FBXL4: variants seen among roughly 807,000 people sequenced by gnomAD.
The protein encoded by FBXL4 is F-box/LRR-repeat protein 4.
FBXL4 carries 40 observed loss-of-function variants against 58.9 expected under a neutral mutation model. The ratio of observed to expected loss-of-function variants is 0.68; its 90% CI spans 0.53 to 0.88. FBXL4 has a LOEUF of 0.88. Among genes scored for constraint, FBXL4 ranks in the 40% least tolerant of loss-of-function variants. FBXL4 has a pLI of 0.00. For synonymous variants in FBXL4, 263 were observed against 265.5 expected (o/e 0.99, Z 0.09); for missense variants, 676 against 734.4 (o/e 0.92, Z 0.92).
intron 2 of FBXL4, among the ~76,000 whole-genome samples, chr6:98,934,235 G>A (rs1773117174): frequency 6.6e-6 from 1 of 152,082 alleles, no homozygotes; most frequent in African/African-American, 2.4e-5. Flanking sequence ...GTTGATTATG[G>A]AGAACTGGAA....
Position 98,880,640 on chromosome 6 carries a change from A to G in FBXL4, c.1318-16T>C, listed in dbSNP as rs768679543. 8 of 1,610,134 alleles carry G rather than the reference A, an allele frequency of 5.0e-6. No individual in the cohort carries two copies. The African/African-American group carries it at 1.1e-4, about 22-fold the overall frequency. ...GTGCTGTTTGCTGCCATTAGGGACCACATCAGAGGCAAATATGGAAAGTGA... is the reference window on the plus strand; with the variant it reads ...GTGCTGTTTGCTGCCATTAGGGACCGCATCAGAGGCAAATATGGAAAGTGA... On this transcript the variant is annotated splice_polypyrimidine_tract_variant and intron_variant, in intron 7 of 9. Coordinates refer to ENST00000369244, the MANE Select transcript of FBXL4 (RefSeq NM_001278716.2).
intron 2 of FBXL4, among the ~76,000 whole-genome samples, chr6:98,934,409 A>G (rs1460427906): frequency 1.3e-5 from 2 of 151,988 alleles, no homozygotes; most frequent in African/African-American, 2.4e-5. Flanking sequence ...AAAAAAAAAA[A>G]AGAGAGAGAG....
rs1048404546 is a variant in FBXL4 at position 98,898,327 on chromosome 6, G to C, written c.1317+941C>G. On this transcript the variant is annotated intron_variant, in intron 7 of 9. Transcript: ENST00000369244. ...ATGACAAACAGTATGTACTACAGGG[G>C]CCCAGGTACATACTCTTTAACCTAG... 5 of 985,244 alleles carry C rather than the reference G, an allele frequency of 5.1e-6. No homozygotes were observed. In the Admixed American group the frequency reaches 1.8e-4, roughly 36 times the overall value. 61.0% of individuals were successfully genotyped at this position (985,244 alleles called of 1,614,324 possible).
intron 5 of FBXL4, among the ~76,000 whole-genome samples, chr6:98,916,144 A>G (rs1451720993): frequency 1.3e-5 from 2 of 148,914 alleles, no homozygotes; most frequent in African/African-American, 2.5e-5. Flanking sequence ...TTAGAATGGC[A>G]ATCATTAAAA....
At chr6:98,931,122 G>T (rs540285343) in intron 2 of FBXL4, among the ~76,000 whole-genome samples, 1 of 152,250 alleles carries the variant, frequency 6.6e-6, no homozygotes, top group East Asian at 1.9e-4. Context: ...TCACTCCACG[G>T]TCTATAAATT....
chr6:98,875,237 T>C lies in FBXL4; in HGVS notation c.1702+178A>G, dbSNP rs760906331. On this transcript the variant is annotated intron_variant, in intron 9 of 9. Transcript: ENST00000369244. ...CCTCACTATTTTATTAAAGTACATA[T>C]ATAATTATTCCCTATATTAACTGAT... The C allele has an allele frequency of 2.5e-5, 16 of 635,142 alleles. No individual in the cohort carries two copies. The South Asian group carries it at 2.8e-4, about 11-fold the overall frequency. The allele number at this position is 635,142 out of a possible 1,614,324, so 39.3% of individuals were successfully genotyped here. A position where few individuals can be genotyped will look rare whatever the true frequency, so the allele number is the denominator to read the frequency against.
rs1156808047 is a variant in FBXL4, at chr6:98,870,771, A to G, written c.*3507T>C. 6.6e-6 allele frequency: 1 copy of G among 152,244 alleles called. No individual in the cohort carries two copies. Among genetic ancestry groups the G allele is most frequent in the Non-Finnish European group, 1.5e-5 (1 of 68,052 alleles). The allele number at this position is 152,244 out of a possible 1,614,324, so 9.4% of individuals were successfully genotyped here. ...ATGATGTTTAATATGCAATGTCATT[A>G]TAGCTGTTCTTAAAGAATACTATAG... On this transcript the variant is annotated 3_prime_UTR_variant, in exon 10 of 10. Transcript: ENST00000369244.
In FBXL4 at chr6:98,890,465, C is replaced by G. The variant is rs894668846; in HGVS notation, c.1317+8803G>C. Among the ~76,000 whole-genome samples the G allele has an allele frequency of 2.0e-5, 3 of 152,280 alleles. No homozygotes were observed. The East Asian group carries it at 5.8e-4, about 29-fold the overall frequency. On this transcript the variant is annotated intron_variant, in intron 7 of 9. Coordinates refer to ENST00000369244, the MANE Select transcript of FBXL4 (RefSeq NM_001278716.2). ...AAAGTATATTCACTAAATGAAAATT[C>G]ATAAATTTGCATAACAAATGTCTCC...
rs562422814 is a variant in FBXL4 at position 98,899,911 on chromosome 6, C to T, written c.1104-430G>A. 8.5e-5 allele frequency among the ~76,000 whole-genome samples: 13 copies of T among 152,236 alleles called. 1 individual carries two copies. The highest frequency in any genetic ancestry group is 1.9e-4 in the East Asian group (1 of 5,184). On this transcript the variant is annotated intron_variant, in intron 6 of 9. Transcript: ENST00000369244. ...GATAATATATTTTGAACACTGCACACGAAAGTAACAACTTATTTAAATAAC... is the reference window on the plus strand; with the variant it reads ...GATAATATATTTTGAACACTGCACATGAAAGTAACAACTTATTTAAATAAC...
rs182076681 is a variant in FBXL4 at position 98,905,413 on chromosome 6, G to A, written c.1103+13C>T. 2.0e-5 allele frequency: 32 copies of A among 1,612,624 alleles called. No individual in the cohort carries two copies. The African/African-American group carries it at 3.5e-4, about 17-fold the overall frequency. ...TGGGGGGGAAAAAAACTTCATCAAG[G>A]CTTTGTACTAACCTGCTAAATCCTG... On this transcript the variant is annotated intron_variant, in intron 6 of 9. Coordinates refer to ENST00000369244, the MANE Select transcript of FBXL4 (RefSeq NM_001278716.2).
rs113483035 is a variant in FBXL4 at position 98,873,946 on chromosome 6, C to T, written c.*332G>A. The T allele has an allele frequency of 2.7e-3, 461 of 170,590 alleles. 1 individual carries two copies. The highest frequency in any genetic ancestry group is 0.011 in the African/African-American group (445 of 42,196). The allele number at this position is 170,590 out of a possible 1,614,324, so 10.6% of individuals were successfully genotyped here. A position where few individuals can be genotyped will look rare whatever the true frequency, so the allele number is the denominator to read the frequency against. On this transcript the variant is annotated 3_prime_UTR_variant, in exon 10 of 10. Coordinates refer to ENST00000369244, the MANE Select transcript of FBXL4 (RefSeq NM_001278716.2). ...AACTTTTTTTTTTGCATAAATGCCACGATACTTTATTGCTCAGTGTTCCTT... is the reference window on the plus strand; with the variant it reads ...AACTTTTTTTTTTGCATAAATGCCATGATACTTTATTGCTCAGTGTTCCTT...
chr6:98,873,563 G>A lies in FBXL4; in HGVS notation c.*715C>T, dbSNP rs1286486485. 6.6e-6 allele frequency: 1 copy of A among 151,878 alleles called. No individual in the cohort carries two copies. The highest frequency in any genetic ancestry group is 2.4e-5 in the African/African-American group (1 of 41,350). 9.4% of individuals were successfully genotyped at this position (151,878 alleles called of 1,614,324 possible). A position where few individuals can be genotyped will look rare whatever the true frequency, so the allele number is the denominator to read the frequency against. On this transcript the variant is annotated 3_prime_UTR_variant, in exon 10 of 10. Coordinates refer to ENST00000369244, the MANE Select transcript of FBXL4 (RefSeq NM_001278716.2). ...AGTGAAATAGACAAAAATATCAGAA[G>A]AAAAGTGGAAACACTACAATTTTTT...
intron 5 of FBXL4, among the ~76,000 whole-genome samples, chr6:98,910,427 G>C (rs983429919): frequency 6.6e-6 from 1 of 152,200 alleles, no homozygotes; most frequent in African/African-American, 2.4e-5. Flanking sequence ...GCCAAGGTGA[G>C]TGGATCACGA....
chr6:98,906,239 A>C (rs954547073), intron 5 of FBXL4, among the ~76,000 whole-genome samples: 3 of 150,922 alleles, frequency 2.0e-5, no homozygotes, highest in Non-Finnish European at 4.4e-5. Flanking sequence ...GGTGTGTTAC[A>C]TAGGTATACA....
rs1387208538 is a variant in FBXL4, at chr6:98,926,523, CGA to C, written c.464_465del (p.Leu155ArgfsTer14). 1 of 1,613,340 alleles carries C rather than the reference CGA, an allele frequency of 6.2e-7. No homozygotes were observed. ...GGGGAATAAGGATTTGCAGAACAAG[CGA>C]GAATTCTAATGACTGCTCCGGGATG... The part of the protein sequence containing the change: ...TYHPGAVIRI[L>X]ACSANPYSPN... On this transcript the variant is annotated frameshift_variant, in exon 4 of 10. Coordinates refer to ENST00000369244, the MANE Select transcript of FBXL4 (RefSeq NM_001278716.2). LOFTEE classifies it high-confidence loss of function.
intron 4 of FBXL4, among the ~76,000 whole-genome samples, chr6:98,922,677 G>T (rs769170742): frequency 3.2e-4 from 48 of 152,260 alleles, no homozygotes; most frequent in Non-Finnish European, 6.2e-4. Flanking sequence ...AATTTGTCAT[G>T]ATCTTGTCCT....
intron 1 of FBXL4, among the ~76,000 whole-genome samples, chr6:98,935,782 C>G (rs376108359): frequency 6.8e-5 from 9 of 132,230 alleles, no homozygotes; most frequent in Non-Finnish European, 1.1e-4. Context: ...GGCGACAGAG[C>G]GAGACTCCGT....
intron 5 of FBXL4, among the ~76,000 whole-genome samples, chr6:98,916,059 T>C (rs1323486487): frequency 1.3e-5 from 2 of 151,988 alleles, no homozygotes; most frequent in East Asian, 1.9e-4. Flanking sequence ...AAAAGACACA[T>C]GAAAAAATGC....
chr6:98,903,161 C>G (rs560787716), intron 6 of FBXL4, among the ~76,000 whole-genome samples: 1 of 152,050 alleles, frequency 6.6e-6, no homozygotes, highest in Non-Finnish European at 1.5e-5. Flanking sequence ...AATAAGTCTT[C>G]TTCATAGTAC....
Sources: allele counts gnomAD v4.1 joint callset (sites outside exome capture counted in the v4.1 genomes callset), GRCh38; gene constraint gnomAD v4.1.1; transcripts MANE v1.5; gene names NCBI Gene and HGNC (gene_info 2026-07-23, HGNC 2026-07-21).